The following MYBBP1A variants were observed in gnomAD, a reference collection of about 807,000 sequenced individuals.
The protein encoded by MYBBP1A is MYB binding protein 1a.
A neutral mutation model predicts 136.3 loss-of-function variants in MYBBP1A; 147 were observed. The ratio of observed to expected loss-of-function variants is 1.08; its 90% CI spans 0.94 to 1.24. The LOEUF is 1.24. Among genes scored for constraint, MYBBP1A ranks in the 50% most tolerant of loss-of-function variants. The probability of loss-of-function intolerance (pLI) is 0.00; values close to 1 mark genes in which losing one functional copy is unlikely to be tolerated. For synonymous variants in MYBBP1A, 947 were observed against 735.8 expected (o/e 1.29, Z -4.65); for missense variants, 2,060 against 1,727.4 (o/e 1.19, Z -3.41).
Position 4,552,748 on chromosome 17 carries a change from C to T in MYBBP1A, c.562-122G>A. 1.1e-6 allele frequency: 1 copy of T among 879,712 alleles called. No homozygotes were observed. Among genetic ancestry groups the T allele is most frequent in the Non-Finnish European group, 1.7e-6 (1 of 594,500 alleles). The allele number at this position is 879,712 out of a possible 1,614,324, so 54.5% of individuals were successfully genotyped here. On this transcript the variant is annotated intron_variant, in intron 5 of 25. Transcript: ENST00000254718. This position sits in a 1 kb window ranked among gnomAD's most constrained non-coding sequence, Gnocchi z 4.7. The stretch of plus-strand genomic sequence containing the variant: ...TATCAGAGTCATCAGAGGCCAGTTG[C>T]TAACAAAACTCAAATTCCCAGGCAG...
chr17:4,545,341 A>T lies in MYBBP1A; in HGVS notation c.2078T>A (p.Leu693Gln). ...CTCATCCTCACTGGTCTCGGGGTTC[A>T]GCACCTGGGGAGGGGTGCCAGCCAC... ...PRALQLILDV[L>Q]NPETSEDEND... The change falls in exon 16 of 26, where the codon CTG becomes CAG. Residue 693 changes from leucine to glutamine, a missense_variant. Leu to Gln is a moderately radical substitution (Grantham distance 113). Coordinates refer to ENST00000254718, the MANE Select transcript of MYBBP1A (RefSeq NM_014520.4). 2 of 1,613,088 alleles carry T rather than the reference A, an allele frequency of 1.2e-6. No homozygotes were observed. Among genetic ancestry groups the T allele is most frequent in the Non-Finnish European group, 1.7e-6 (2 of 1,179,932 alleles).
intron 2 of MYBBP1A, 100 bp downstream of exon 2, chr17:4,554,761 G>C: frequency 8.6e-7 from 1 of 1,161,690 alleles, no homozygotes; most frequent in Non-Finnish European, 1.2e-6. Context: ...CCTCTCTCTC[G>C]GGCTGCCCCT....
At position 4,552,120 on chromosome 17, in the gene MYBBP1A, C is replaced by T. The variant is rs768828412; in HGVS notation, c.905+5G>A. 6.3e-5 allele frequency: 102 copies of T among 1,612,902 alleles called. No individual in the cohort carries two copies. Among genetic ancestry groups the T allele is most frequent in the Middle Eastern group, 1.6e-4 (1 of 6,080 alleles). On this transcript the variant is annotated splice_donor_5th_base_variant and intron_variant, in intron 7 of 25. Coordinates refer to ENST00000254718, the MANE Select transcript of MYBBP1A (RefSeq NM_014520.4). The surrounding 1 kb of genome is among the most constrained non-coding windows in gnomAD (Gnocchi z 4.7). ...GGGCCGAGAGAGGACACGCGTCGCC[C>T]GCACCTGGCTGGCCAGAACTGCATC...
chr17:4,539,299 C>T lies in MYBBP1A; in HGVS notation c.*116G>A, dbSNP rs1906108620. 6.7e-7 allele frequency: 1 copy of T among 1,495,964 alleles called. No individual in the cohort carries two copies. The highest frequency in any genetic ancestry group is 8.8e-7 in the Non-Finnish European group (1 of 1,133,784). 92.7% of individuals were successfully genotyped at this position (1,495,964 alleles called of 1,614,324 possible). A position where few individuals can be genotyped will look rare whatever the true frequency, so the allele number is the denominator to read the frequency against. On this transcript the variant is annotated 3_prime_UTR_variant, in exon 26 of 26. Transcript: ENST00000254718. ...GGCAGGCGGCAACAGCCACCCTCCC[C>T]AGTGGCAGCGCCTTAGAAACAGCTT...
intron 10 of MYBBP1A, 90 bp downstream of exon 10, chr17:4,549,242 G>T: frequency 2.7e-6 from 3 of 1,121,712 alleles, no homozygotes; most frequent in Non-Finnish European, 3.8e-6. Context: ...AAGGCTTCTG[G>T]CTCCAGGGGA....
At chr17:4,541,695 A>AG in intron 23 of MYBBP1A, 89 bp downstream of exon 23, 1 of 1,456,142 alleles carries the variant, frequency 6.9e-7, no homozygotes, top group South Asian at 1.1e-5. Context: ...CTCTGGACTC[A>AG]GGCTCCAATC....
intron 19 of MYBBP1A, among the ~76,000 whole-genome samples, chr17:4,543,975 C>A (rs889332118): frequency 6.6e-5 from 10 of 152,164 alleles, no homozygotes; most frequent in African/African-American, 2.4e-4. Flanking sequence ...GGGTCTGTGG[C>A]CTCGCTGCTT....
rs781244713 is a variant in MYBBP1A, at chr17:4,554,102, G to A, written c.379-9C>T. The A allele has an allele frequency of 9.9e-6, 16 of 1,613,944 alleles. No individual in the cohort carries two copies. The Admixed American group carries it at 2.7e-4, about 27-fold the overall frequency. ...GCAGGTCTCAGCATTGCCTAGAAAA[G>A]GATTCCAGGCACAGGCATGAGGGGC... On this transcript the variant is annotated splice_polypyrimidine_tract_variant and intron_variant, in intron 3 of 25. Transcript: ENST00000254718.
At chr17:4,554,420 G>A (rs1247640838) in intron 2 of MYBBP1A, 142 bp from the exon 3 acceptor site, 7 of 672,696 alleles carry the variant, frequency 1.0e-5, no homozygotes, top group Non-Finnish European at 1.8e-5. Flanking sequence ...TACCTTCTAT[G>A]GCCCCTAGAT....
chr17:4,551,795 C>A, intron 8 of MYBBP1A, 85 bp downstream of exon 8: 2 of 1,226,936 alleles, frequency 1.6e-6, no homozygotes, highest in Non-Finnish European at 1.2e-6. Flanking sequence ...AGCCAAGCCC[C>A]CGAGGTGCCC....
At chr17:4,549,214 C>T (rs141173826) in intron 10 of MYBBP1A, 118 bp downstream of exon 10, 6 of 807,028 alleles carry the variant, frequency 7.4e-6, no homozygotes, top group African/African-American at 1.7e-5. Context: ...GCCTGCCCCC[C>T]ACTGATGACT....
chr17:4,545,217 T>C, intron 16 of MYBBP1A, 42 bp from the exon 17 acceptor site: 1 of 1,610,420 alleles, frequency 6.2e-7, no homozygotes, highest in African/African-American at 1.3e-5. Context: ...TCCCCGATCG[T>C]CCCACTCCCC....
rs370201351 is a variant in MYBBP1A, at chr17:4,542,483, G to A, written c.3068C>T (p.Pro1023Leu). The A allele has an allele frequency of 6.3e-5, 101 of 1,610,684 alleles. No individual in the cohort carries two copies. Among genetic ancestry groups the A allele is most frequent in the African/African-American group, 1.1e-4 (8 of 74,838 alleles). Residue 1023 changes from proline (P) to leucine (L), a missense_variant, in exon 22 of 26, where the codon CCG (proline) becomes CTG (leucine). Pro to Leu is a moderately conservative substitution (Grantham distance 98, BLOSUM62 -3). Coordinates refer to ENST00000254718, the MANE Select transcript of MYBBP1A (RefSeq NM_014520.4). ...TCTCACCTGATGACGGGGCCGCACC[G>A]GGCCCGTGATATGCTGGACCAGGAT... Reference protein sequence around the residue: ...LPILVQHITGPVRPRHQACLL... With the variant: ...LPILVQHITGLVRPRHQACLL...
intron 13 of MYBBP1A, among the ~76,000 whole-genome samples, chr17:4,546,369 C>T (rs1293125924): frequency 1.3e-5 from 2 of 152,070 alleles, no homozygotes; most frequent in Admixed American, 6.6e-5. Context: ...CACCCCCTTG[C>T]CCCCCTTGGC....
At chr17:4,540,972 G>A (rs550465678) in intron 24 of MYBBP1A, among the ~76,000 whole-genome samples, 36 of 140,106 alleles carry the variant, frequency 2.6e-4, no homozygotes, top group African/African-American at 8.2e-4. Context: ...CCCTTGGCAA[G>A]CTCTCCCTCC....
intron 2 of MYBBP1A, among the ~76,000 whole-genome samples, chr17:4,554,659 T>C (rs1285421251): frequency 6.6e-6 from 1 of 152,102 alleles, no homozygotes; most frequent in Non-Finnish European, 1.5e-5. Flanking sequence ...AAGCACCAAA[T>C]AGAAAACCTG....
chr17:4,540,003 C>T lies in MYBBP1A; in HGVS notation c.3435-36G>A, dbSNP rs768070248. 8 of 1,580,548 alleles carry T rather than the reference C, an allele frequency of 5.1e-6. 1 individual carries two copies. Among genetic ancestry groups the T allele is most frequent in the Middle Eastern group, 1.7e-4 (1 of 5,776 alleles). ...GTGAGCAAGGTTAGAAGGTGCCCAT[C>T]GAGGGCAGCAGCCACCGCCACCGCG... On this transcript the variant is annotated intron_variant, in intron 25 of 25. Coordinates refer to ENST00000254718, the MANE Select transcript of MYBBP1A (RefSeq NM_014520.4).
In MYBBP1A at chr17:4,550,066, C is replaced by T. The variant is rs370000518; in HGVS notation, c.1311G>A (p.Ser437=). 5.6e-6 allele frequency: 9 copies of T among 1,610,680 alleles called. No homozygotes were observed. The highest frequency in any genetic ancestry group is 2.2e-5 in the East Asian group (1 of 44,796). The part of the protein sequence containing the change: ...TNNQKKAQDS[S]LHMPERAVFR... ...CCCCAAGGTCCACTCACATGTGGAG[C>T]GATGAATCCTGGGCTTTCTTCTGGT... The change falls in exon 9 of 26, where the codon TCG becomes TCA. Residue 437 remains serine (S), a synonymous_variant. Coordinates refer to ENST00000254718, the MANE Select transcript of MYBBP1A (RefSeq NM_014520.4).
chr17:4,552,241 C>G lies in MYBBP1A; in HGVS notation c.789G>C (p.Lys263Asn), dbSNP rs575842187. The change falls in exon 7 of 26, where the codon AAG (lysine) becomes AAC (asparagine). Residue 263 changes from lysine to asparagine, a missense_variant. Physicochemically the swap from Lys to Asn is moderately conservative, Grantham distance 94. Coordinates refer to ENST00000254718, the MANE Select transcript of MYBBP1A (RefSeq NM_014520.4). This position sits in a 1 kb window ranked among gnomAD's most constrained non-coding sequence, Gnocchi z 4.7. ...GCAGGTCCAGAGCAATGGCGGGCAG[C>G]TTGCGGTCCTTCTTCACAGAGGAGG... ...MAASSVKKDR[K>N]LPAIALDLLR... 11 of 1,614,090 alleles carry G rather than the reference C, an allele frequency of 6.8e-6. No individual in the cohort carries two copies. Among genetic ancestry groups the G allele is most frequent in the South Asian group, 4.4e-5 (4 of 91,090 alleles).
Sources: gnomAD v4.1 joint callset for allele counts (sites outside exome capture counted in the v4.1 genomes callset) on GRCh38, gnomAD v4.1.1 for gene constraint, Gnocchi (gnomAD v3.1) non-coding constraint, MANE v1.5 for transcripts, NCBI Gene and HGNC (gene_info 2026-07-23, HGNC 2026-07-21) for gene names.